The following KIAA0408 variants were observed in gnomAD, a reference collection of about 807,000 sequenced individuals.
The protein encoded by KIAA0408 is uncharacterized protein KIAA0408.
A neutral mutation model predicts 60.9 loss-of-function variants in KIAA0408; 51 were observed. The ratio of observed to expected loss-of-function variants is 0.84; its 90% CI spans 0.67 to 1.06. The LOEUF (loss-of-function observed/expected upper bound fraction) is 1.06, where lower values mean the gene tolerates loss of function less well. KIAA0408 is among the 50% of genes least tolerant of loss of function. The pLI, the probability that KIAA0408 is intolerant of heterozygous loss-of-function variation, is 0.00. For missense variants in KIAA0408, 787 were observed against 833.9 expected (o/e 0.94, Z 0.69); for synonymous variants, 304 against 282.4 (o/e 1.08, Z -0.77).
chr6:127,452,266 A>G (rs1308775427), intron 2 of KIAA0408, among the ~76,000 whole-genome samples: 1 of 152,184 alleles, frequency 6.6e-6, no homozygotes. Flanking sequence ...TTAAACAAAT[A>G]CAATCTTTTA....
chr6:127,450,201 T>A lies in KIAA0408; in HGVS notation c.287A>T (p.Asn96Ile), dbSNP rs1264186622. 1 of 1,614,096 alleles carries A rather than the reference T, an allele frequency of 6.2e-7. No homozygotes were observed. Among genetic ancestry groups the A allele is most frequent in the South Asian group, 1.1e-5 (1 of 91,086 alleles). ...TTCTTTTCTCAGACCATCTTTGTGA[T>A]TCGTCCTTATAAATTCACTTTGTCC... ...DLGQSEFIRT[N>I]HKDGLRKENK... Residue 96 changes from asparagine to isoleucine, a missense_variant, in exon 3 of 6, where the codon AAT becomes ATT. Physicochemically the swap from Asn to Ile is moderately radical, Grantham distance 149. Around this residue, in one of 3 missense-constraint regions of KIAA0408, gnomAD observed 640 missense variants for 681.3 expected, o/e 0.94. Transcript: ENST00000483725.
chr6:127,447,831 TA>T, intron 4 of KIAA0408, 91 bp from the exon 5 acceptor site: 1 of 1,426,300 alleles, frequency 7.0e-7, no homozygotes, highest in Non-Finnish European at 9.2e-7. Context: ...GAGTTTCTGC[TA>T]TAAGAAAAGG....
In KIAA0408 at chr6:127,449,844, G is replaced by A. The variant is rs755671427; in HGVS notation, c.556C>T (p.Arg186Ter). 16 of 1,613,748 alleles carry A rather than the reference G, an allele frequency of 9.9e-6. No individual in the cohort carries two copies. The highest frequency in any genetic ancestry group is 6.7e-5 in the African/African-American group (5 of 74,880). Residue 186 changes from arginine (R) to a stop codon, truncating the protein, a stop_gained, in exon 4 of 6, where the codon CGA becomes TGA. Coordinates refer to ENST00000483725, the MANE Select transcript of KIAA0408 (RefSeq NM_014702.5). LOFTEE classifies it high-confidence loss of function. ...TACCTTCTATGGTTAGACCGCTTTCGAATTTCCTCTTGAAAGCTGCATAAT... is the reference window on the plus strand; with the variant it reads ...TACCTTCTATGGTTAGACCGCTTTCAAATTTCCTCTTGAAAGCTGCATAAT... ...EELCSFQEEIRKRSNHRRMKS... is the reference protein window; with the variant it reads ...EELCSFQEEI
rs1322551193 is a variant in KIAA0408, at chr6:127,440,351, G to C, written c.*3758C>G. 1 of 132,124 alleles carries C rather than the reference G, an allele frequency of 7.6e-6. No homozygotes were observed. The allele number at this position is 132,124 out of a possible 1,614,324, so 8.2% of individuals were successfully genotyped here. A position where few individuals can be genotyped will look rare whatever the true frequency, so the allele number is the denominator to read the frequency against. The stretch of plus-strand genomic sequence containing the variant: ...TTTTTTTTTTTTTTTTTGAGACAGA[G>C]TCTCACTCTGTCACCCAGGCTGGAG... On this transcript the variant is annotated 3_prime_UTR_variant, in exon 6 of 6. Coordinates refer to ENST00000483725, the MANE Select transcript of KIAA0408 (RefSeq NM_014702.5).
intron 2 of KIAA0408, among the ~76,000 whole-genome samples, 162 bp downstream of exon 2, chr6:127,453,685 T>C (rs909807778): frequency 2.0e-5 from 3 of 152,088 alleles, no homozygotes; most frequent in African/African-American, 7.2e-5. Flanking sequence ...TACAATACCA[T>C]TGGATAAGAT....
chr6:127,449,926 G>C, intron 3 of KIAA0408, 25 bp from the exon 4 acceptor site: 2 of 1,613,806 alleles, frequency 1.2e-6, no homozygotes, highest in Non-Finnish European at 1.7e-6. Context: ...GCAACAGCCC[G>C]TTAGCACTTT....
rs750737510 is a variant in KIAA0408, at chr6:127,447,467, T to C, written c.852A>G (p.Gln284=). ...ACCTTTCCTTCCATCTTTCATAGGC[T>C]TGTTCAGAATCCGAGCTGGGAAAAT... The part of the protein sequence containing the change: ...SRNFPSSDSE[Q]AYERWKERLD... Residue 284 remains glutamine, a synonymous_variant, in exon 5 of 6, where the codon CAA becomes CAG. Coordinates refer to ENST00000483725, the MANE Select transcript of KIAA0408 (RefSeq NM_014702.5). The C allele has an allele frequency of 1.2e-6, 2 of 1,613,960 alleles. No individual in the cohort carries two copies. The highest frequency in any genetic ancestry group is 1.7e-6 in the Non-Finnish European group (2 of 1,179,956).
At position 127,438,958 on chromosome 6, in the gene KIAA0408, T is replaced by G. The variant is rs912650535; in HGVS notation, c.*5151A>C. The stretch of plus-strand genomic sequence containing the variant: ...AGGCTTCTCTTTCATGAATGGGATT[T>G]AAGGCCCTTATAAAAGAAGCATCAC... On this transcript the variant is annotated 3_prime_UTR_variant, in exon 6 of 6. Coordinates refer to ENST00000483725, the MANE Select transcript of KIAA0408 (RefSeq NM_014702.5). 1.3e-5 allele frequency: 2 copies of G among 152,168 alleles called. No individual in the cohort carries two copies. Among genetic ancestry groups the G allele is most frequent in the Non-Finnish European group, 2.9e-5 (2 of 68,036 alleles). 9.4% of individuals were successfully genotyped at this position (152,168 alleles called of 1,614,324 possible). A position where few individuals can be genotyped will look rare whatever the true frequency, so the allele number is the denominator to read the frequency against.
In KIAA0408 at chr6:127,440,111, G is replaced by A. The variant is rs938616146; in HGVS notation, c.*3998C>T. ...ATTGGATTAATACTATCATTGAAAT[G>A]TGTATCAGATTTTAAGTATCATGAT... On this transcript the variant is annotated 3_prime_UTR_variant, in exon 6 of 6. Coordinates refer to ENST00000483725, the MANE Select transcript of KIAA0408 (RefSeq NM_014702.5). 6.6e-6 allele frequency: 1 copy of A among 152,108 alleles called. No homozygotes were observed. The highest frequency in any genetic ancestry group is 1.5e-5 in the Non-Finnish European group (1 of 68,012). The allele number at this position is 152,108 out of a possible 1,614,324, so 9.4% of individuals were successfully genotyped here.
chr6:127,445,212 C>T (rs920494767), intron 5 of KIAA0408, among the ~76,000 whole-genome samples: 4 of 152,184 alleles, frequency 2.6e-5, no homozygotes, highest in African/African-American at 9.7e-5. Context: ...AAAACAAAAA[C>T]TGCTCCTGAG....
rs909250017 is a variant in KIAA0408, at chr6:127,443,047, C to G, written c.*1062G>C. ...TTCAGCTTTCAAAGAAATATTATTC[C>G]TGATCTTCCTTGTTAGTAAAAAAGT... On this transcript the variant is annotated 3_prime_UTR_variant, in exon 6 of 6. Transcript: ENST00000483725. 2.0e-5 allele frequency: 3 copies of G among 151,958 alleles called. No individual in the cohort carries two copies. Among genetic ancestry groups the G allele is most frequent in the African/African-American group, 7.3e-5 (3 of 41,378 alleles). 9.4% of individuals were successfully genotyped at this position (151,958 alleles called of 1,614,324 possible). A position where few individuals can be genotyped will look rare whatever the true frequency, so the allele number is the denominator to read the frequency against.
In KIAA0408 at chr6:127,444,143, G is replaced by C. The variant is rs868684257; in HGVS notation, c.2051C>G (p.Thr684Ser). 1 of 1,614,022 alleles carries C rather than the reference G, an allele frequency of 6.2e-7. No individual in the cohort carries two copies. Among genetic ancestry groups the C allele is most frequent in the Non-Finnish European group, 8.5e-7 (1 of 1,179,982 alleles). Reference sequence around the variant, plus strand: ...CAATGCTTCGGATCGCAGAGAAATGGTATAGTTGTGGGTAGTTCTCCGCAA... The same window carrying C: ...CAATGCTTCGGATCGCAGAGAAATGCTATAGTTGTGGGTAGTTCTCCGCAA... ...PALRRTTHNY[T>S]ISLRSEALMV The change falls in exon 6 of 6, where the codon ACC (threonine) becomes AGC (serine). Residue 684 changes from threonine (T) to serine (S), a missense_variant. Physicochemically the swap from Thr to Ser is moderately conservative, Grantham distance 58 (BLOSUM62 1). Transcript: ENST00000483725.
intron 4 of KIAA0408, 109 bp from the exon 5 acceptor site, chr6:127,447,849 A>C (rs989985199): frequency 5.1e-5 from 68 of 1,335,724 alleles, no homozygotes; most frequent in Non-Finnish European, 6.5e-5. Flanking sequence ...AAGGATTCAC[A>C]ACTGCCTCAT....
rs1366210307 is a variant in KIAA0408, at chr6:127,443,749, G to A, written c.*360C>T. On this transcript the variant is annotated 3_prime_UTR_variant, in exon 6 of 6. Transcript: ENST00000483725. ...TTTCAAAGTCAACACTAGCACATAA[G>A]TTTTTCATATCTAAATACATACTAG... 2 of 185,694 alleles carry A rather than the reference G, an allele frequency of 1.1e-5. No individual in the cohort carries two copies. The highest frequency in any genetic ancestry group is 3.4e-4 in the East Asian group (2 of 5,948). 11.5% of individuals were successfully genotyped at this position (185,694 alleles called of 1,614,324 possible). A position where few individuals can be genotyped will look rare whatever the true frequency, so the allele number is the denominator to read the frequency against.
Position 127,440,287 on chromosome 6 carries a change from T to C in KIAA0408, c.*3822A>G, listed in dbSNP as rs575346250. ...AAGCACATTTTCTTGTAGGAACATA[T>C]TTTCAGGGTGAGATGAACAAGTCAT... is the stretch of plus-strand genomic sequence containing the variant. On this transcript the variant is annotated 3_prime_UTR_variant, in exon 6 of 6. Transcript: ENST00000483725. 1 of 152,074 alleles carries C rather than the reference T, an allele frequency of 6.6e-6. No homozygotes were observed. Among genetic ancestry groups the C allele is most frequent in the East Asian group, 1.9e-4 (1 of 5,174 alleles). 9.4% of individuals were successfully genotyped at this position (152,074 alleles called of 1,614,324 possible).
rs1199009309 is a variant in KIAA0408, at chr6:127,442,943, A to G, written c.*1166T>C. ...TATGCAAACTGTAGCCAAAATACACATTTCTATTCCTGATGCTACTGTGGA... is the reference window on the plus strand; with the variant it reads ...TATGCAAACTGTAGCCAAAATACACGTTTCTATTCCTGATGCTACTGTGGA... On this transcript the variant is annotated 3_prime_UTR_variant, in exon 6 of 6. Transcript: ENST00000483725. The G allele has an allele frequency of 6.6e-6, 1 of 152,108 alleles. No homozygotes were observed. The highest frequency in any genetic ancestry group is 1.5e-5 in the Non-Finnish European group (1 of 68,004). 9.4% of individuals were successfully genotyped at this position (152,108 alleles called of 1,614,324 possible).
intron 2 of KIAA0408, among the ~76,000 whole-genome samples, chr6:127,452,121 A>G (rs570030172): frequency 3.3e-5 from 5 of 152,282 alleles, no homozygotes; most frequent in Non-Finnish European, 5.9e-5. Flanking sequence ...TTAATAGCCA[A>G]CACTGCATCC....
At chr6:127,455,146 CAT>C (rs1328578703) in intron 1 of KIAA0408, among the ~76,000 whole-genome samples, 1 of 152,076 alleles carries the variant, frequency 6.6e-6, no homozygotes, top group Non-Finnish European at 1.5e-5. Flanking sequence ...TTAAATAAGT[CAT>C]GTGCCTTTTT....
rs1030617928 is a variant in KIAA0408 at position 127,443,387 on chromosome 6, A to C, written c.*722T>G. The C allele has an allele frequency of 1.3e-5, 2 of 152,156 alleles. No homozygotes were observed. The highest frequency in any genetic ancestry group is 4.8e-5 in the African/African-American group (2 of 41,450). 9.4% of individuals were successfully genotyped at this position (152,156 alleles called of 1,614,324 possible). On this transcript the variant is annotated 3_prime_UTR_variant, in exon 6 of 6. Transcript: ENST00000483725. The stretch of plus-strand genomic sequence containing the variant: ...TAGACTACCAAATAATATATAAAAC[A>C]TTTATGAACATTTTATGCTTGCTTT...
Sources: allele counts gnomAD v4.1 joint callset (sites outside exome capture counted in the v4.1 genomes callset), GRCh38; gene constraint gnomAD v4.1.1; regional missense constraint gnomAD v4.1.1; transcripts MANE v1.5; gene names NCBI Gene and HGNC (gene_info 2026-07-23, HGNC 2026-07-21).